The following SLC22A15 variants were observed in gnomAD, a reference collection of about 807,000 sequenced individuals.
The protein encoded by SLC22A15 is flipt 1.
Under a neutral mutation model 62.7 loss-of-function variants are expected in SLC22A15, and 45 were observed. That is an observed-to-expected ratio of 0.72 (90% CI 0.56 to 0.92). The LOEUF is 0.92. Ranked by LOEUF, SLC22A15 falls within the 40% of genes least tolerant of loss-of-function variation. The pLI is 0.00. For missense variants in SLC22A15, 622 were observed against 665.6 expected (o/e 0.93, Z 0.72); for synonymous variants, 264 against 267.0 (o/e 0.99, Z 0.11).
chr1:116,053,224 T>C (rs142006297), intron 8 of SLC22A15, among the ~76,000 whole-genome samples: 2,062 of 152,268 alleles, frequency 0.014, 21 homozygotes, highest in Non-Finnish European at 0.021. Flanking sequence ...CTGATGGAGC[T>C]GAAGGCCAAG....
intron 7 of SLC22A15, among the ~76,000 whole-genome samples, chr1:116,036,068 GA>G: frequency 6.6e-6 from 1 of 152,270 alleles, no homozygotes; most frequent in Non-Finnish European, 1.5e-5. Flanking sequence ...AGAGTGTTTT[GA>G]AGGGCAGGTT....
chr1:116,045,738 CAAAA>C (rs34360597), intron 8 of SLC22A15, among the ~76,000 whole-genome samples: 2 of 101,700 alleles, frequency 2.0e-5, no homozygotes, highest in Non-Finnish European at 3.7e-5. Flanking sequence ...GACTCCATCT[CAAAA>C]AAAAAAAAAA....
intron 6 of SLC22A15, among the ~76,000 whole-genome samples, chr1:116,033,053 A>AGGCT (rs1298743735): frequency 6.6e-6 from 1 of 152,184 alleles, no homozygotes; most frequent in African/African-American, 2.4e-5. Context: ...TTCTTCCCTG[A>AGGCT]GGCTGAGAAT....
intron 2 of SLC22A15, among the ~76,000 whole-genome samples, chr1:115,999,430 T>G (rs1377653394): frequency 6.6e-6 from 1 of 151,734 alleles, no homozygotes; most frequent in Non-Finnish European, 1.5e-5. Flanking sequence ...GGTTTATCTC[T>G]CTTTTTAGTC....
intron 2 of SLC22A15, among the ~76,000 whole-genome samples, chr1:116,000,625 C>CTTTT (rs56303802): frequency 5.9e-4 from 52 of 88,218 alleles, no homozygotes; most frequent in East Asian, 2.2e-3. Flanking sequence ...CTTTTTTTTC[C>CTTTT]TTTTTTTTTT....
At chr1:116,029,370 A>G (rs1360236078) in intron 5 of SLC22A15, among the ~76,000 whole-genome samples, 1 of 152,164 alleles carries the variant, frequency 6.6e-6, no homozygotes, top group Non-Finnish European at 1.5e-5. Flanking sequence ...GTTGGGCAAC[A>G]TTGTTAAATT....
Position 115,992,169 on chromosome 1 carries a change from C to T in SLC22A15, c.226C>T (p.Leu76Phe). ...TGAAGACCAGGCCTTTGGGGACTGG[C>T]TCCTGACAGCCAACGGCAGTGAGAT... ...AGEDQAFGDW[L>F]LTANGSEIHK... Residue 76 changes from leucine (L) to phenylalanine (F), a missense_variant, in exon 2 of 12, where the codon CTC becomes TTC. By Grantham distance (22) the Leu-to-Phe change is conservative. Transcript: ENST00000369503. 2 of 1,612,484 alleles carry T rather than the reference C, an allele frequency of 1.2e-6. No homozygotes were observed. The highest frequency in any genetic ancestry group is 1.7e-6 in the Non-Finnish European group (2 of 1,179,284).
intron 8 of SLC22A15, among the ~76,000 whole-genome samples, chr1:116,055,088 A>G (rs1658164845): frequency 6.7e-6 from 1 of 149,898 alleles, no homozygotes; most frequent in African/African-American, 2.4e-5. Context: ...GACACAAAAA[A>G]CCCTTCAAAA....
At chr1:116,018,438 C>T (rs1000261904) in intron 2 of SLC22A15, among the ~76,000 whole-genome samples, 2 of 152,122 alleles carry the variant, frequency 1.3e-5, no homozygotes, top group Non-Finnish European at 1.5e-5. Flanking sequence ...GATCTCAGCT[C>T]AGTGCAAGCT....
intron 6 of SLC22A15, chr1:116,032,212 G>T: frequency 2.0e-6 from 2 of 985,388 alleles, no homozygotes. Context: ...CTTTCAAAAT[G>T]CTCTCAGCGT....
intron 2 of SLC22A15, among the ~76,000 whole-genome samples, chr1:115,993,764 T>C (rs1655274402): frequency 6.6e-6 from 1 of 152,128 alleles, no homozygotes; most frequent in Non-Finnish European, 1.5e-5. Context: ...AGAGACCCTA[T>C]GAGTTACATT....
At chr1:116,003,349 A>G (rs1231058858) in intron 2 of SLC22A15, among the ~76,000 whole-genome samples, 1 of 152,144 alleles carries the variant, frequency 6.6e-6, no homozygotes, top group Non-Finnish European at 1.5e-5. Context: ...GTCCCACTGG[A>G]TCATGTGCAT....
intron 2 of SLC22A15, among the ~76,000 whole-genome samples, chr1:116,004,594 T>G (rs1047592954): frequency 1.3e-5 from 2 of 152,224 alleles, no homozygotes; most frequent in Admixed American, 6.5e-5. Context: ...AACATTTTGA[T>G]AAGGATTAAT....
intron 8 of SLC22A15, among the ~76,000 whole-genome samples, chr1:116,043,602 G>A (rs2101503473): frequency 6.6e-6 from 1 of 151,958 alleles, no homozygotes; most frequent in South Asian, 2.1e-4. Flanking sequence ...AGCTAATTAA[G>A]CACAATGCAA....
chr1:116,053,155 A>T (rs1180265836), intron 8 of SLC22A15, among the ~76,000 whole-genome samples: 5 of 152,202 alleles, frequency 3.3e-5, no homozygotes, highest in Non-Finnish European at 5.9e-5. Context: ...GAAAACTTTG[A>T]AAAAAATTTA....
intron 8 of SLC22A15, among the ~76,000 whole-genome samples, chr1:116,038,599 A>T (rs186745361): frequency 2.6e-5 from 4 of 152,378 alleles, no homozygotes; most frequent in Non-Finnish European, 5.9e-5. Context: ...CTCTGAGCAA[A>T]TGGGTGCTCC....
chr1:115,978,959 A>G (rs1006745232), intron 1 of SLC22A15, among the ~76,000 whole-genome samples: 6 of 152,178 alleles, frequency 3.9e-5, no homozygotes, highest in African/African-American at 7.2e-5. Flanking sequence ...CAACACAGCA[A>G]CAAGGCCAGA....
intron 2 of SLC22A15, among the ~76,000 whole-genome samples, chr1:115,995,720 T>C (rs1316648330): frequency 1.3e-5 from 2 of 152,238 alleles, no homozygotes; most frequent in Admixed American, 1.3e-4. Flanking sequence ...CCTATTCTTT[T>C]CAATGATTTG....
At chr1:115,992,772 C>T (rs1340542679) in intron 2 of SLC22A15, among the ~76,000 whole-genome samples, 1 of 150,946 alleles carries the variant, frequency 6.6e-6, no homozygotes, top group Non-Finnish European at 1.5e-5. Flanking sequence ...CAGGCACCCA[C>T]CACCATGCCT....
Sources: allele counts gnomAD v4.1 joint callset (sites outside exome capture counted in the v4.1 genomes callset), GRCh38; gene constraint gnomAD v4.1.1; transcripts MANE v1.5; gene names NCBI Gene and HGNC (gene_info 2026-07-23, HGNC 2026-07-21).